DCC: variants seen among roughly 807,000 people sequenced by gnomAD.
DCC encodes DCC netrin 1 receptor, also known as netrin receptor DCC.
Under a neutral mutation model 172.5 loss-of-function variants are expected in DCC, and 58 were observed. The observed-to-expected ratio is 0.34, with a 90% CI of 0.27 to 0.42. The LOEUF (loss-of-function observed/expected upper bound fraction) is 0.42, where lower values mean the gene tolerates loss of function less well. Ranked by LOEUF, DCC falls within the 10% of genes least tolerant of loss-of-function variation. The pLI is 1.00. For synonymous variants in DCC, 709 were observed against 644.5 expected (o/e 1.10, Z -1.52); for missense variants, 1,740 against 1,791.0 (o/e 0.97, Z 0.51).
At chr18:52,417,540 G>A (rs1036582604) in intron 1 of DCC, among the ~76,000 whole-genome samples, 2 of 152,068 alleles carry the variant, frequency 1.3e-5, no homozygotes, top group African/African-American at 4.8e-5. Flanking sequence ...TTTTCACATA[G>A]TCCCATATTT....
At chr18:52,792,834 T>TATTCC (rs58127650) in intron 2 of DCC, among the ~76,000 whole-genome samples, 6,908 of 116,948 alleles carry the variant, frequency 0.059, 211 homozygotes, top group Middle Eastern at 0.1. Flanking sequence ...TATTCCATTC[T>TATTCC]ATTCCATTCC....
chr18:52,649,914 C>G (rs1423695142), intron 1 of DCC, among the ~76,000 whole-genome samples: 1 of 150,172 alleles, frequency 6.7e-6, no homozygotes, highest in Non-Finnish European at 1.5e-5. Flanking sequence ...TTATATAATT[C>G]TTTCTTTTCC....
At chr18:52,387,574 T>TCTTC (rs58543615) in intron 1 of DCC, among the ~76,000 whole-genome samples, 20,482 of 121,850 alleles carry the variant, frequency 0.17, 2,048 homozygotes, top group African/African-American at 0.23. Flanking sequence ...TTGTTTTGTT[T>TCTTC]CTTCCTTCCT....
chr18:53,160,519 C>G (rs1187319540), intron 8 of DCC, among the ~76,000 whole-genome samples: 4 of 152,132 alleles, frequency 2.6e-5, no homozygotes, highest in African/African-American at 9.7e-5. Context: ...TTAGCAAAAA[C>G]CAACTCAAGT....
intron 1 of DCC, among the ~76,000 whole-genome samples, chr18:52,418,858 CTTT>C (rs11313758): frequency 1.2e-3 from 111 of 92,982 alleles, no homozygotes; most frequent in African/African-American, 2.8e-3. Context: ...TTCTTTCTTT[CTTT>C]TTTTTTTTTT....
chr18:53,097,437 T>C (rs756959186), intron 7 of DCC, among the ~76,000 whole-genome samples: 4 of 152,334 alleles, frequency 2.6e-5, no homozygotes, highest in Non-Finnish European at 5.9e-5. Flanking sequence ...GCCTAACTTC[T>C]ATATGCTGGA....
At chr18:53,013,645 A>G (rs1294494741) in intron 5 of DCC, among the ~76,000 whole-genome samples, 3 of 151,764 alleles carry the variant, frequency 2.0e-5, no homozygotes, top group African/African-American at 4.8e-5. Flanking sequence ...CCACCATGAC[A>G]CACGTATACT....
At chr18:53,494,286 A>G (rs1251891106) in intron 26 of DCC, among the ~76,000 whole-genome samples, 1 of 152,230 alleles carries the variant, frequency 6.6e-6, no homozygotes, top group Non-Finnish European at 1.5e-5. Flanking sequence ...AGTGCTACAA[A>G]GAATGTATAT....
intron 1 of DCC, among the ~76,000 whole-genome samples, chr18:52,588,318 G>T (rs188849342): frequency 1.3e-5 from 2 of 152,152 alleles, no homozygotes; most frequent in Non-Finnish European, 2.9e-5. Flanking sequence ...TGGCAGAGCA[G>T]GTTGCACAGC....
intron 5 of DCC, among the ~76,000 whole-genome samples, chr18:52,925,925 A>G (rs1199854989): frequency 6.6e-6 from 1 of 151,824 alleles, no homozygotes; most frequent in Admixed American, 6.6e-5. Flanking sequence ...TTATATTCCA[A>G]AAGGCAGGGT....
intron 12 of DCC, among the ~76,000 whole-genome samples, chr18:53,278,803 G>T (rs2056835122): frequency 6.6e-6 from 1 of 152,066 alleles, no homozygotes; most frequent in Non-Finnish European, 1.5e-5. Flanking sequence ...CCACAAAGTT[G>T]GTGTTGTTAC....
intron 5 of DCC, among the ~76,000 whole-genome samples, chr18:53,010,557 A>C (rs2041713455): frequency 6.6e-6 from 1 of 151,442 alleles, no homozygotes; most frequent in Non-Finnish European, 1.5e-5. Flanking sequence ...TACTGTTTAC[A>C]TTTAAATATA....
At chr18:53,199,827 T>C (rs969824980) in intron 9 of DCC, among the ~76,000 whole-genome samples, 1 of 152,192 alleles carries the variant, frequency 6.6e-6, no homozygotes, top group African/African-American at 2.4e-5. Context: ...AATATATGTA[T>C]ATTTTGATAT....
chr18:52,506,541 A>C lies in DCC; in HGVS notation c.91+165663A>C, dbSNP rs73957913. ...TGTATGTGCTCAGGACAAATAAAGC[A>C]ATATCTATTGTCTGATAAAAGAAAA... On this transcript the variant is annotated intron_variant, in intron 1 of 28. Transcript: ENST00000442544. Among the ~76,000 whole-genome samples the C allele has an allele frequency of 7.4e-3, 1,122 of 152,220 alleles. 11 individuals are homozygous for C. The highest frequency in any genetic ancestry group is 0.025 in the African/African-American group (1,060 of 41,576).
At chr18:52,866,377 T>G (rs2145371314) in intron 2 of DCC, among the ~76,000 whole-genome samples, 1 of 152,316 alleles carries the variant, frequency 6.6e-6, no homozygotes, top group Admixed American at 6.5e-5. Flanking sequence ...CTAAAGGGGT[T>G]CTTTTTTGGT....
intron 15 of DCC, among the ~76,000 whole-genome samples, chr18:53,383,282 T>C (rs1907902999): frequency 1.3e-5 from 2 of 152,040 alleles, no homozygotes; most frequent in African/African-American, 4.8e-5. Context: ...AATTTTACTG[T>C]TTTGTTTTTA....
chr18:53,410,280 TTATC>T (rs1461557301), intron 19 of DCC, among the ~76,000 whole-genome samples, 168 bp from the exon 20 acceptor site: 2 of 152,196 alleles, frequency 1.3e-5, no homozygotes, highest in African/African-American at 4.8e-5. Flanking sequence ...CAGCAATTAT[TTATC>T]TAATCCTTGC....
chr18:53,003,168 C>CTCT (rs1214767949), intron 5 of DCC, among the ~76,000 whole-genome samples: 1 of 152,132 alleles, frequency 6.6e-6, no homozygotes, highest in Non-Finnish European at 1.5e-5. Context: ...TCTCCAGTGT[C>CTCT]TCTTCTTCCA....
intron 2 of DCC, among the ~76,000 whole-genome samples, chr18:52,885,693 C>T (rs1287896173): frequency 6.6e-6 from 1 of 151,936 alleles, no homozygotes; most frequent in Non-Finnish European, 1.5e-5. Context: ...GACAAAGTCC[C>T]CTTTACTTTT....
Sources: allele counts gnomAD v4.1 joint callset (sites outside exome capture counted in the v4.1 genomes callset), GRCh38; gene constraint gnomAD v4.1.1; transcripts MANE v1.5; gene names NCBI Gene and HGNC (gene_info 2026-07-23, HGNC 2026-07-21).